Variants in RAD51D observed in about 807,000 individuals in gnomAD.
The protein encoded by RAD51D is RAD51 paralog D, also known as DNA repair protein RAD51 homolog 4.
A neutral mutation model predicts 44.1 loss-of-function variants in RAD51D; 38 were observed. That is an observed-to-expected ratio of 0.86 (90% confidence interval 0.67 to 1.13). RAD51D has a LOEUF of 1.13. RAD51D is among the 50% of genes most tolerant of loss of function. The pLI is 0.00. For missense variants in RAD51D, 390 were observed against 414.0 expected, an observed-to-expected ratio of 0.94 and a Z score of 0.50; for synonymous variants, 141 against 166.6, an observed-to-expected ratio of 0.85 and a Z score of 1.18.
intron 3 of RAD51D, among the ~76,000 whole-genome samples, chr17:35,108,399 C>G (rs1019894482): frequency 1.3e-5 from 2 of 150,540 alleles, no homozygotes; most frequent in African/African-American, 4.9e-5. Context: ...TAGCCAGGGG[C>G]CTGTAGTCTC....
At chr17:35,113,617 C>T (rs768019986) in intron 3 of RAD51D, 2 of 422,298 alleles carry the variant, frequency 4.7e-6, no homozygotes, top group Non-Finnish European at 9.5e-6. Context: ...CCCACAGGTT[C>T]CTGCCAGTCA....
At position 35,099,770 on chromosome 17, in the gene RAD51D, G is replaced by A; in HGVS notation, c.*1183C>T. On this transcript the variant is annotated 3_prime_UTR_variant, in exon 10 of 10. Coordinates refer to ENST00000345365, the MANE Select transcript of RAD51D (RefSeq NM_002878.4). Reference sequence around the variant, plus strand: ...AAGATGACCTTCCTTTAAAAGATGTGGCCAGTAACCAATCCTGATCATTTC... The same window carrying A: ...AAGATGACCTTCCTTTAAAAGATGTAGCCAGTAACCAATCCTGATCATTTC... 2.3e-6 allele frequency: 1 copy of A among 428,290 alleles called. No homozygotes were observed. Among genetic ancestry groups the A allele is most frequent in the Non-Finnish European group, 4.6e-6 (1 of 218,048 alleles). The allele number at this position is 428,290 out of a possible 1,614,324, so 26.5% of individuals were successfully genotyped here.
rs757673099 is a variant in RAD51D, at chr17:35,100,705, G to A, written c.*248C>T. Reference sequence around the variant, plus strand: ...CTTGGTTTCCACCAGAAACATACACGTTAGAAATAAGGGAAGGAAACGTGG... The same window carrying A: ...CTTGGTTTCCACCAGAAACATACACATTAGAAATAAGGGAAGGAAACGTGG... On this transcript the variant is annotated 3_prime_UTR_variant, in exon 10 of 10. Coordinates refer to ENST00000345365, the MANE Select transcript of RAD51D (RefSeq NM_002878.4). The A allele has an allele frequency of 1.1e-5, 7 of 632,360 alleles. No homozygotes were observed. Among genetic ancestry groups the A allele is most frequent in the Middle Eastern group, 4.2e-4 (1 of 2,390 alleles). 39.2% of individuals were successfully genotyped at this position (632,360 alleles called of 1,614,324 possible). A position where few individuals can be genotyped will look rare whatever the true frequency, so the allele number is the denominator to read the frequency against.
chr17:35,106,871 T>G, intron 5 of RAD51D, 117 bp downstream of exon 5: 1 of 1,485,846 alleles, frequency 6.7e-7, no homozygotes. Flanking sequence ...GATGTATTAA[T>G]AGAACAGCAA....
At chr17:35,108,412 T>C (rs2091635852) in intron 3 of RAD51D, among the ~76,000 whole-genome samples, 1 of 150,278 alleles carries the variant, frequency 6.7e-6, no homozygotes, top group South Asian at 2.1e-4. Flanking sequence ...GTAGTCTCAG[T>C]TACTTGGGAG....
chr17:35,114,311 G>A (rs2091712084), intron 3 of RAD51D, among the ~76,000 whole-genome samples: 1 of 151,398 alleles, frequency 6.6e-6, no homozygotes, highest in African/African-American at 2.4e-5. Flanking sequence ...ATAAAATCAG[G>A]GGAGTTTTTT....
At position 35,094,395 on chromosome 17, in the gene RAD51D, C is replaced by G. The variant is rs945318184; in HGVS notation, c.*6558G>C. The G allele has an allele frequency of 6.6e-6, 1 of 152,270 alleles. No homozygotes were observed. The highest frequency in any genetic ancestry group is 1.5e-5 in the Non-Finnish European group (1 of 68,062). The allele number at this position is 152,270 out of a possible 1,614,324, so 9.4% of individuals were successfully genotyped here. A position where few individuals can be genotyped will look rare whatever the true frequency, so the allele number is the denominator to read the frequency against. The stretch of plus-strand genomic sequence containing the variant: ...GAGATGACAGGCGTGAGCCACCACG[C>G]TCAGCCAGCCCTGCTGTTTTTTATT... On this transcript the variant is annotated 3_prime_UTR_variant, in exon 10 of 10. Transcript: ENST00000345365.
intron 3 of RAD51D, among the ~76,000 whole-genome samples, chr17:35,108,868 C>CTTTTT (rs35092882): frequency 2.4e-5 from 3 of 122,644 alleles, no homozygotes; most frequent in Non-Finnish European, 1.7e-5. Context: ...TTTTTCTTTT[C>CTTTTT]TTTTTTTTTT....
chr17:35,105,961 T>C (rs530241986), intron 6 of RAD51D, among the ~76,000 whole-genome samples: 2 of 152,278 alleles, frequency 1.3e-5, no homozygotes, highest in South Asian at 4.1e-4. Context: ...GGCAGCCTCT[T>C]TGCAACCATG....
intron 3 of RAD51D, among the ~76,000 whole-genome samples, chr17:35,117,313 G>C (rs768040969): frequency 1.4e-4 from 21 of 152,162 alleles, no homozygotes; most frequent in Non-Finnish European, 2.5e-4. Context: ...CATGAACCCT[G>C]CCAAGAGAAT....
At chr17:35,114,361 C>T (rs981233085) in intron 3 of RAD51D, among the ~76,000 whole-genome samples, 4 of 151,926 alleles carry the variant, frequency 2.6e-5, no homozygotes, top group African/African-American at 7.3e-5. Flanking sequence ...GTTGTCTGCA[C>T]ATTGGATTCA....
At position 35,103,355 on chromosome 17, in the gene RAD51D, G is replaced by A. The variant is rs539380290; in HGVS notation, c.668-31C>T. 3 of 1,612,034 alleles carry A rather than the reference G, an allele frequency of 1.9e-6. No individual in the cohort carries two copies. Among genetic ancestry groups the A allele is most frequent in the Non-Finnish European group, 2.5e-6 (3 of 1,178,530 alleles). On this transcript the variant is annotated intron_variant, in intron 7 of 9. Coordinates refer to ENST00000345365, the MANE Select transcript of RAD51D (RefSeq NM_002878.4). The surrounding 1 kb of genome is among the most constrained non-coding windows in gnomAD (Gnocchi z 4.1). ...GGAGGAGGAGAAGCAGAGAGGGAGG[G>A]CAGTGGGGAACCAGGGATGGGGCTG...
In RAD51D at chr17:35,118,559, C is replaced by T. The variant is rs763439048; in HGVS notation, c.205G>A (p.Ala69Thr). 9 of 1,614,192 alleles carry T rather than the reference C, an allele frequency of 5.6e-6. No homozygotes were observed. The highest frequency in any genetic ancestry group is 3.3e-4 in the Middle Eastern group (2 of 6,062). Residue 69 changes from alanine (A) to threonine (T), a missense_variant, in exon 3 of 10, where the codon GCT becomes ACT. By Grantham distance (58) the Ala-to-Thr change is moderately conservative. Transcript: ENST00000345365. ...AQFSAFPVNG[A>T]DLYEELKTST... Reference sequence around the variant, plus strand: ...GTCTTCAGTTCCTCGTAGAGATCAGCGCCATTCACGGGGAAAGCCGAGAAC... The same window carrying T: ...GTCTTCAGTTCCTCGTAGAGATCAGTGCCATTCACGGGGAAAGCCGAGAAC...
intron 3 of RAD51D, among the ~76,000 whole-genome samples, chr17:35,110,197 C>A (rs2091658347): frequency 1.3e-5 from 2 of 152,070 alleles, no homozygotes; most frequent in Non-Finnish European, 1.5e-5. Flanking sequence ...CAGTTTTGAA[C>A]TCCTGGGCTC....
intron 3 of RAD51D, 100 bp downstream of exon 3, chr17:35,118,401 A>G: frequency 9.7e-7 from 1 of 1,031,856 alleles, no homozygotes; most frequent in East Asian, 2.4e-5. Flanking sequence ...ATTGGTTAAA[A>G]AAAAAACCCC....
chr17:35,117,013 T>TCC, intron 3 of RAD51D: 1 of 1,613,470 alleles, frequency 6.2e-7, no homozygotes, highest in Non-Finnish European at 8.5e-7. Flanking sequence ...CCTCCCAGGT[T>TCC]CCCACTTGAG....
In RAD51D at chr17:35,092,909, G is replaced by A. The variant is rs2091465239; in HGVS notation, c.*8044C>T. On this transcript the variant is annotated 3_prime_UTR_variant, in exon 10 of 10. Coordinates refer to ENST00000345365, the MANE Select transcript of RAD51D (RefSeq NM_002878.4). ...CAGTACTAGTGCTGGATCCATTCCT[G>A]GAGACAGAACTGGCTACACTGTTTG... is the stretch of plus-strand genomic sequence containing the variant. 1.3e-5 allele frequency: 2 copies of A among 152,188 alleles called. No homozygotes were observed. Among genetic ancestry groups the A allele is most frequent in the South Asian group, 4.1e-4 (2 of 4,830 alleles). 9.4% of individuals were successfully genotyped at this position (152,188 alleles called of 1,614,324 possible). A position where few individuals can be genotyped will look rare whatever the true frequency, so the allele number is the denominator to read the frequency against.
rs1304736206 is a variant in RAD51D at position 35,093,635 on chromosome 17, C to G, written c.*7318G>C. The G allele has an allele frequency of 1.3e-5, 2 of 152,126 alleles. No homozygotes were observed. Among genetic ancestry groups the G allele is most frequent in the Non-Finnish European group, 2.9e-5 (2 of 68,016 alleles). The allele number at this position is 152,126 out of a possible 1,614,324, so 9.4% of individuals were successfully genotyped here. ...TGAGGTCTTTCATAAAGAGCAGCTACGTGGAACCTAAGGCATCTAACTCAG... is the reference window on the plus strand; with the variant it reads ...TGAGGTCTTTCATAAAGAGCAGCTAGGTGGAACCTAAGGCATCTAACTCAG... On this transcript the variant is annotated 3_prime_UTR_variant, in exon 10 of 10. Coordinates refer to ENST00000345365, the MANE Select transcript of RAD51D (RefSeq NM_002878.4).
chr17:35,109,056 G>A (rs1223267219), intron 3 of RAD51D, among the ~76,000 whole-genome samples: 3 of 151,810 alleles, frequency 2.0e-5, no homozygotes, highest in Admixed American at 1.3e-4. Flanking sequence ...TAGTAGAGAC[G>A]GGGTTTTGCC....
Sources: allele counts gnomAD v4.1 joint callset (sites outside exome capture counted in the v4.1 genomes callset), GRCh38; gene constraint gnomAD v4.1.1; non-coding constraint Gnocchi (gnomAD v3.1); transcripts MANE v1.5; gene names NCBI Gene and HGNC (gene_info 2026-07-23, HGNC 2026-07-21).